Variants in CALD1 observed in about 807,000 individuals in gnomAD.
The protein encoded by CALD1 is caldesmon 1.
A neutral mutation model predicts 99.9 loss-of-function variants in CALD1; 33 were observed. The observed-to-expected ratio is 0.33, with a 90% CI of 0.25 to 0.44. The LOEUF is 0.44. Among genes scored for constraint, CALD1 ranks in the 20% least tolerant of loss-of-function variants. The pLI is 1.00. For missense variants in CALD1, 861 were observed against 962.1 expected (o/e 0.89, Z 1.39); for synonymous variants, 310 against 325.0 (o/e 0.95, Z 0.50).
At chr7:134,788,687 C>T (rs79032729) in intron 1 of CALD1, among the ~76,000 whole-genome samples, 7,057 of 152,150 alleles carry the variant, frequency 0.046, 529 homozygotes, top group African/African-American at 0.16. Flanking sequence ...GTGTCCTGCA[C>T]ATAGTATTAA....
intron 1 of CALD1, among the ~76,000 whole-genome samples, chr7:134,761,897 TGC>T (rs1796781803): frequency 6.6e-6 from 1 of 152,206 alleles, no homozygotes; most frequent in Non-Finnish European, 1.5e-5. Flanking sequence ...ATCAGGTCTT[TGC>T]AGCTTATAAA....
At chr7:134,799,019 G>A (rs1000817242) in intron 1 of CALD1, among the ~76,000 whole-genome samples, 1 of 152,006 alleles carries the variant, frequency 6.6e-6, no homozygotes, top group Admixed American at 6.6e-5. Context: ...GCTTCACAGG[G>A]GACAAAATTC....
At chr7:134,881,735 A>T (rs1801613316) in intron 3 of CALD1, among the ~76,000 whole-genome samples, 1 of 152,178 alleles carries the variant, frequency 6.6e-6, no homozygotes, top group Non-Finnish European at 1.5e-5. Context: ...CAGAAATCAG[A>T]TGCTGAGAAA....
intron 3 of CALD1, among the ~76,000 whole-genome samples, chr7:134,905,653 T>A (rs569874220): frequency 1.5e-4 from 23 of 152,086 alleles, no homozygotes; most frequent in East Asian, 1.4e-3. Flanking sequence ...CTTCTCCTCC[T>A]GGAGGAGCAG....
intron 3 of CALD1, among the ~76,000 whole-genome samples, chr7:134,890,681 C>A (rs751197757): frequency 3.3e-5 from 5 of 152,204 alleles, no homozygotes; most frequent in Non-Finnish European, 7.3e-5. Context: ...TCCTCAGGAA[C>A]TGGGATTTGG....
At chr7:134,870,351 T>C (rs2290362) in intron 3 of CALD1, among the ~76,000 whole-genome samples, 24,912 of 152,146 alleles carry the variant, frequency 0.16, 2,702 homozygotes, top group African/African-American at 0.31. Context: ...CAGGGAATCA[T>C]TGACAGAGGT....
At chr7:134,916,150 G>C (rs1487478544) in intron 3 of CALD1, among the ~76,000 whole-genome samples, 1 of 152,148 alleles carries the variant, frequency 6.6e-6, no homozygotes, top group African/African-American at 2.4e-5. Flanking sequence ...ACATGGAGTG[G>C]GGGTATGAGC....
At chr7:134,780,646 G>T (rs139700233) in intron 1 of CALD1, among the ~76,000 whole-genome samples, 1 of 152,282 alleles carries the variant, frequency 6.6e-6, no homozygotes, top group Admixed American at 6.5e-5. Context: ...GTAGTAGCCT[G>T]GAATTCCTTT....
chr7:134,765,239 C>T (rs539233054), intron 1 of CALD1, among the ~76,000 whole-genome samples: 262 of 150,754 alleles, frequency 1.7e-3, no homozygotes, highest in African/African-American at 6.1e-3. Flanking sequence ...TGCTTAAGCC[C>T]GGGGGCAGAG....
In CALD1 at chr7:134,933,328, G is replaced by T. The variant is rs1305233128; in HGVS notation, c.559G>T (p.Asp187Tyr). The part of the protein sequence containing the change: ...WRDAEENKKE[D>Y]KEKEEEEEEK... ...GGATGCTGAAGAAAACAAGAAAGAA[G>T]ACAAGGAAAAGGAGGAGGAGGAAGA... Residue 187 changes from aspartate to tyrosine, a missense_variant, in exon 5 of 15, where the codon GAC becomes TAC. Asp to Tyr is a radical substitution (Grantham distance 160, BLOSUM62 -3). This residue lies in a region of CALD1 where 234 missense variants were observed against 233.1 expected (regional missense o/e 1.00). Coordinates refer to ENST00000361675, the MANE Select transcript of CALD1 (RefSeq NM_033138.4). 4.4e-6 allele frequency: 7 copies of T among 1,602,554 alleles called. No homozygotes were observed. Among genetic ancestry groups the T allele is most frequent in the Non-Finnish European group, 6.0e-6 (7 of 1,174,570 alleles).
At chr7:134,917,900 CAAGT>C (rs1167201329) in intron 3 of CALD1, among the ~76,000 whole-genome samples, 1 of 152,154 alleles carries the variant, frequency 6.6e-6, no homozygotes, top group Non-Finnish European at 1.5e-5. Context: ...AAGTTTAATT[CAAGT>C]AACTAAGTCA....
At chr7:134,958,998 C>A (rs1808040131) in intron 11 of CALD1, among the ~76,000 whole-genome samples, 1 of 149,244 alleles carries the variant, frequency 6.7e-6, no homozygotes, top group Non-Finnish European at 1.5e-5. Context: ...CTTCTTTGCA[C>A]CCCCAAACTA....
the CALD1 span, among the ~76,000 whole-genome samples, chr7:134,711,678 ATATGTG>A: frequency 3.0e-3 from 166 of 54,822 alleles, 1 homozygote; most frequent in Middle Eastern, 0.024. Context: ...ATATATATAT[ATATGTG>A]TGTGTGTGTG....
intron 1 of CALD1, among the ~76,000 whole-genome samples, chr7:134,823,972 C>G (rs1434781463): frequency 1.3e-5 from 2 of 152,116 alleles, no homozygotes; most frequent in African/African-American, 4.8e-5. Context: ...ATAGAATTTT[C>G]AGAACATTAC....
chr7:134,763,933 A>G (rs1796803618), intron 1 of CALD1, among the ~76,000 whole-genome samples: 1 of 152,010 alleles, frequency 6.6e-6, no homozygotes, highest in Non-Finnish European at 1.5e-5. Context: ...AAAAAAAAAA[A>G]AAAAGTATTT....
chr7:134,722,558 A>T, the CALD1 span, among the ~76,000 whole-genome samples: 1 of 151,992 alleles, frequency 6.6e-6, no homozygotes, highest in African/African-American at 2.4e-5. Context: ...AGTAGCTAGG[A>T]TTACAGGAGC....
intron 3 of CALD1, among the ~76,000 whole-genome samples, chr7:134,906,369 T>C (rs971050642): frequency 2.0e-5 from 3 of 152,358 alleles, no homozygotes; most frequent in Admixed American, 2.0e-4. Context: ...AAATGCTGTG[T>C]GTATAATCCT....
At chr7:134,932,778 G>T (rs560141941) in intron 4 of CALD1, among the ~76,000 whole-genome samples, 1 of 152,310 alleles carries the variant, frequency 6.6e-6, no homozygotes, top group East Asian at 1.9e-4. Flanking sequence ...CTTCTGGCAT[G>T]TTGAGTAGAC....
At chr7:134,955,817 T>G (rs957529127) in intron 9 of CALD1, among the ~76,000 whole-genome samples, 2 of 152,222 alleles carry the variant, frequency 1.3e-5, no homozygotes, top group African/African-American at 4.8e-5. Context: ...TATTCAATTT[T>G]ATATAGAAGG....
Sources: allele counts gnomAD v4.1 joint callset (sites outside exome capture counted in the v4.1 genomes callset), GRCh38; gene constraint gnomAD v4.1.1; regional missense constraint gnomAD v4.1.1; transcripts MANE v1.5; gene names NCBI Gene and HGNC (gene_info 2026-07-23, HGNC 2026-07-21).